ITGA6: variants seen among roughly 807,000 people sequenced by gnomAD.
ITGA6 encodes the protein integrin alpha-6.
A neutral mutation model predicts 133.6 loss-of-function variants in ITGA6; 63 were observed. The observed-to-expected ratio is 0.47, with a 90% CI of 0.38 to 0.58. ITGA6 has a LOEUF of 0.58. Ranked by LOEUF, ITGA6 falls within the 20% of genes least tolerant of loss-of-function variation. ITGA6 has a pLI of 0.00. For synonymous variants in ITGA6, 434 were observed against 482.0 expected (o/e 0.90, Z 1.30); for missense variants, 1,068 against 1,309.4 (o/e 0.82, Z 2.85).
At chr2:172,479,784 C>A in intron 10 of ITGA6, 45 bp downstream of exon 10, 2 of 1,519,872 alleles carry the variant, frequency 1.3e-6, no homozygotes, top group African/African-American at 1.4e-5. Context: ...AGTTTCCCAC[C>A]TCCACTTCAT....
intron 1 of ITGA6, among the ~76,000 whole-genome samples, chr2:172,449,649 A>G (rs1397192405): frequency 1.3e-5 from 2 of 152,154 alleles, no homozygotes; most frequent in African/African-American, 4.8e-5. Context: ...GGCCTCTGTG[A>G]GAAAGGGGAT....
rs144636679 is a variant in ITGA6 at position 172,454,569 on chromosome 2, C to T, written c.183-10970C>T. Among the ~76,000 whole-genome samples, 6 of 152,294 alleles carry T rather than the reference C, an allele frequency of 3.9e-5. No homozygotes were observed. The East Asian group carries it at 9.7e-4, about 25-fold the overall frequency. On this transcript the variant is annotated intron_variant, in intron 1 of 25. Coordinates refer to ENST00000684293, the MANE Select transcript of ITGA6 (RefSeq NM_000210.4). The stretch of plus-strand genomic sequence containing the variant: ...CTAAGCCATTGTTAGGATCTGAGTT[C>T]TTGGTGTCTGAGCACAACTGAATGT...
At chr2:172,434,078 G>C (rs2148993746) in intron 1 of ITGA6, among the ~76,000 whole-genome samples, 1 of 152,286 alleles carries the variant, frequency 6.6e-6, no homozygotes, top group African/African-American at 2.4e-5. Flanking sequence ...CAACACCCAG[G>C]GCAGGTTTGA....
chr2:172,467,506 A>G lies in ITGA6; in HGVS notation c.333A>G (p.Glu111=), dbSNP rs1415408091. The G allele has an allele frequency of 1.2e-6, 2 of 1,613,616 alleles. No individual in the cohort carries two copies. Among genetic ancestry groups the G allele is most frequent in the Non-Finnish European group, 1.7e-6 (2 of 1,179,742 alleles). The change falls in exon 3 of 26, where the codon GAA becomes GAG. Residue 111 remains glutamate (E), a synonymous_variant. Transcript: ENST00000684293. The part of the protein sequence containing the change: ...NDADPTSESK[E]DQWMGVTVQS... ...CTGACCCCACGTCAGAAAGCAAGGA[A>G]GATCAGTGGATGGGGGTCACCGTCC... is the stretch of plus-strand genomic sequence containing the variant.
intron 19 of ITGA6, 145 bp from the exon 20 acceptor site, chr2:172,489,340 C>CTA: frequency 1.5e-6 from 1 of 675,030 alleles, no homozygotes; most frequent in South Asian, 1.8e-5. Context: ...TTTGAATGCC[C>CTA]TATCTATAGT....
intron 13 of ITGA6, among the ~76,000 whole-genome samples, chr2:172,485,566 TAGAA>T (rs923010299): frequency 6.6e-6 from 1 of 152,304 alleles, no homozygotes; most frequent in East Asian, 1.9e-4. Context: ...TAGCTGTACA[TAGAA>T]AGAAAAATAC....
intron 1 of ITGA6, among the ~76,000 whole-genome samples, chr2:172,457,027 C>T (rs1463611564): frequency 6.6e-6 from 1 of 152,052 alleles, no homozygotes; most frequent in Non-Finnish European, 1.5e-5. Context: ...ACTGTGGTGG[C>T]TCACACCTAT....
chr2:172,491,455 C>T lies in ITGA6; in HGVS notation c.2920C>T (p.Leu974Phe). 1.2e-6 allele frequency: 2 copies of T among 1,613,866 alleles called. No homozygotes were observed. Among genetic ancestry groups the T allele is most frequent in the Non-Finnish European group, 1.7e-6 (2 of 1,179,898 alleles). The change falls in exon 23 of 26, where the codon CTC becomes TTC. Residue 974 changes from leucine to phenylalanine, a missense_variant. By Grantham distance (22) the Leu-to-Phe change is conservative. Coordinates refer to ENST00000684293, the MANE Select transcript of ITGA6 (RefSeq NM_000210.4). The surrounding 1 kb of genome is among the most constrained non-coding windows in gnomAD (Gnocchi z 4.4). ...EYSKLNYLDI[L>F]MRAFIDVTAA... Reference sequence around the variant, plus strand: ...TTCCAAACTGAACTACTTGGACATTCTCATGCGAGCCTTCATTGATGTGAC... The same window carrying T: ...TTCCAAACTGAACTACTTGGACATTTTCATGCGAGCCTTCATTGATGTGAC...
intron 1 of ITGA6, among the ~76,000 whole-genome samples, chr2:172,440,769 A>G (rs1269372780): frequency 1.3e-5 from 2 of 152,222 alleles, no homozygotes; most frequent in Non-Finnish European, 2.9e-5. Context: ...TTTTTAATTG[A>G]GTAACAGAAA....
At position 172,465,852 on chromosome 2, in the gene ITGA6, CGT is replaced by C. The variant is rs568573199; in HGVS notation, c.307+192_307+193del. 1.3e-3 allele frequency: 1,054 copies of C among 831,946 alleles called. 4 individuals carry two copies. The highest frequency in any genetic ancestry group is 1.7e-3 in the Middle Eastern group (5 of 2,900). 51.5% of individuals were successfully genotyped at this position (831,946 alleles called of 1,614,324 possible). A position where few individuals can be genotyped will look rare whatever the true frequency, so the allele number is the denominator to read the frequency against. On this transcript the variant is annotated intron_variant, in intron 2 of 25. Transcript: ENST00000684293. ...ACTTCTGAATCATACTGGGATGCCG[CGT>C]GTTTTGCTGCTCCTCCTAACCGTGG...
In ITGA6 at chr2:172,487,070, CA is replaced by C. The variant is rs1429622639; in HGVS notation, c.1904del (p.Asn635ThrfsTer4). 1 of 1,613,068 alleles carries C rather than the reference CA, an allele frequency of 6.2e-7. No homozygotes were observed. Among genetic ancestry groups the C allele is most frequent in the Non-Finnish European group, 8.5e-7 (1 of 1,179,098 alleles). On this transcript the variant is annotated frameshift_variant, in exon 14 of 26. Transcript: ENST00000684293. LOFTEE classifies it high-confidence loss of function. ...GTGGAGACGACAATGTATGTAACAG[CA>C]ACCTTAAACTAGAATATAAATTTTG... ...GCGDDNVCNS[N>X]LKLEYKFCTR...
At chr2:172,496,121 A>T (rs1398907004) in intron 23 of ITGA6, among the ~76,000 whole-genome samples, 2 of 152,246 alleles carry the variant, frequency 1.3e-5, no homozygotes, top group African/African-American at 4.8e-5. Flanking sequence ...GTTTCATTGT[A>T]GTCAGCTTAC....
intron 2 of ITGA6, 37 bp downstream of exon 2, chr2:172,465,700 A>G (rs1237233642): frequency 1.9e-6 from 3 of 1,613,888 alleles, no homozygotes; most frequent in Non-Finnish European, 8.5e-7. Flanking sequence ...TCACTCCGGC[A>G]GCTTGCCTGT....
In ITGA6 at chr2:172,427,676, C is replaced by CGGCGAGAGGA; in HGVS notation, c.-107_-98dup. ...GTCCCGGGGGTGGGGCCGGGCGCAG[C>CGGCGAGAGGA]GGCGAGAGGAGGCGAAGGTGGCTGC... is the stretch of plus-strand genomic sequence containing the variant. On this transcript the variant is annotated 5_prime_UTR_variant, in exon 1 of 26. Coordinates refer to ENST00000684293, the MANE Select transcript of ITGA6 (RefSeq NM_000210.4). The CGGCGAGAGGA allele has an allele frequency of 7.5e-7, 1 of 1,333,610 alleles. No individual in the cohort carries two copies. Among genetic ancestry groups the CGGCGAGAGGA allele is most frequent in the Non-Finnish European group, 9.6e-7 (1 of 1,043,772 alleles). 82.6% of individuals were successfully genotyped at this position (1,333,610 alleles called of 1,614,324 possible). A position where few individuals can be genotyped will look rare whatever the true frequency, so the allele number is the denominator to read the frequency against.
intron 20 of ITGA6, among the ~76,000 whole-genome samples, chr2:172,490,408 T>C (rs977358957): frequency 6.6e-6 from 1 of 152,246 alleles, no homozygotes; most frequent in Admixed American, 6.5e-5. Context: ...GTTTATTTCT[T>C]TTATTTTAAA....
At chr2:172,456,715 C>G (rs1247098743) in intron 1 of ITGA6, among the ~76,000 whole-genome samples, 1 of 152,216 alleles carries the variant, frequency 6.6e-6, no homozygotes, top group Non-Finnish European at 1.5e-5. Flanking sequence ...TAGCATATGT[C>G]TGTGCCCATA....
At chr2:172,453,469 C>T (rs1164273716) in intron 1 of ITGA6, among the ~76,000 whole-genome samples, 2 of 152,164 alleles carry the variant, frequency 1.3e-5, no homozygotes, top group African/African-American at 4.8e-5. Context: ...TTGCAGTGAG[C>T]CATGATTACG....
Position 172,506,330 on chromosome 2 carries a change from A to AAGAT in ITGA6, c.*2264_*2267dup, listed in dbSNP as rs1481121978. ...GTCTCATGTAATCTCAGATCAGCCAAAGATACTAGTGCCAAAGCAATGGGA... is the reference window on the plus strand; with the variant it reads ...GTCTCATGTAATCTCAGATCAGCCAAAGATAGATACTAGTGCCAAAGCAATGGGA... On this transcript the variant is annotated 3_prime_UTR_variant, in exon 26 of 26. Coordinates refer to ENST00000684293, the MANE Select transcript of ITGA6 (RefSeq NM_000210.4). 2.6e-5 allele frequency: 4 copies of AAGAT among 152,594 alleles called. No homozygotes were observed. The highest frequency in any genetic ancestry group is 4.4e-5 in the Non-Finnish European group (3 of 68,030). 9.5% of individuals were successfully genotyped at this position (152,594 alleles called of 1,614,324 possible).
intron 23 of ITGA6, among the ~76,000 whole-genome samples, chr2:172,492,217 A>G (rs1686956693): frequency 6.6e-6 from 1 of 152,190 alleles, no homozygotes; most frequent in African/African-American, 2.4e-5. Context: ...TCTCGGCACC[A>G]CACTTCTGTC....
Sources: gnomAD v4.1 joint callset for allele counts (sites outside exome capture counted in the v4.1 genomes callset) on GRCh38, gnomAD v4.1.1 for gene constraint, Gnocchi (gnomAD v3.1) non-coding constraint, MANE v1.5 for transcripts, NCBI Gene and HGNC (gene_info 2026-07-23, HGNC 2026-07-21) for gene names.